The following KPNA3 variants were observed in gnomAD, a reference collection of about 807,000 sequenced individuals.
KPNA3 encodes importin subunit alpha-4.
In KPNA3, 13 loss-of-function variants were observed where a neutral mutation model predicts 73.8. The observed-to-expected ratio is 0.18, with a 90% CI of 0.11 to 0.28. The LOEUF is 0.28. Among genes scored for constraint, KPNA3 ranks in the 10% least tolerant of loss-of-function variants. The pLI is 1.00. For missense variants in KPNA3, 360 were observed against 618.1 expected, an observed-to-expected ratio of 0.58 and a Z score of 4.43; for synonymous variants, 186 against 206.9, an observed-to-expected ratio of 0.90 and a Z score of 0.87.
chr13:49,769,306 C>T (rs542480723), intron 1 of KPNA3, among the ~76,000 whole-genome samples: 78 of 152,238 alleles, frequency 5.1e-4, no homozygotes, highest in Middle Eastern at 3.4e-3. Flanking sequence ...ATAATGCCCA[C>T]GCCATAAAAT....
intron 1 of KPNA3, among the ~76,000 whole-genome samples, chr13:49,778,131 G>A (rs928796739): frequency 3.9e-5 from 6 of 152,224 alleles, no homozygotes; most frequent in African/African-American, 1.4e-4. Flanking sequence ...ATAATGCAGG[G>A]AAGAGTAGAA....
chr13:49,775,597 G>A (rs1954891678), intron 1 of KPNA3, among the ~76,000 whole-genome samples: 1 of 151,994 alleles, frequency 6.6e-6, no homozygotes, highest in African/African-American at 2.4e-5. Context: ...TCAAGGCCCA[G>A]TTCATCCCCA....
At chr13:49,719,909 G>A (rs1954339403) in intron 9 of KPNA3, 90 bp from the exon 10 acceptor site, 2 of 811,308 alleles carry the variant, frequency 2.5e-6, no homozygotes, top group Admixed American at 4.4e-5. Context: ...GGTAAATATG[G>A]TTTGTAGGGC....
At chr13:49,735,070 T>C (rs1594442572) in intron 2 of KPNA3, among the ~76,000 whole-genome samples, 2 of 152,136 alleles carry the variant, frequency 1.3e-5, no homozygotes, top group Admixed American at 6.5e-5. Context: ...TGCATTTAAA[T>C]TGAAAACATC....
chr13:49,721,670 A>T (rs1042203896), intron 9 of KPNA3, among the ~76,000 whole-genome samples: 6 of 152,016 alleles, frequency 3.9e-5, no homozygotes, highest in African/African-American at 1.4e-4. Context: ...ATACAAAAAA[A>T]TTAGCCAGGC....
intron 1 of KPNA3, among the ~76,000 whole-genome samples, chr13:49,758,908 A>T (rs1954735244): frequency 6.6e-6 from 1 of 152,200 alleles, no homozygotes. Flanking sequence ...ACTCTCAAAA[A>T]TACCACCAAT....
chr13:49,779,556 C>T (rs577504561), intron 1 of KPNA3, among the ~76,000 whole-genome samples: 1 of 152,164 alleles, frequency 6.6e-6, no homozygotes, highest in Non-Finnish European at 1.5e-5. Flanking sequence ...TAGGCTCAGT[C>T]GTTTGTTCCT....
chr13:49,740,080 G>A (rs1202410084), intron 2 of KPNA3, among the ~76,000 whole-genome samples: 8 of 151,820 alleles, frequency 5.3e-5, no homozygotes, highest in Non-Finnish European at 1.2e-4. Context: ...GCGAAATCCC[G>A]TATCTACCAA....
rs200059183 is a variant in KPNA3, at chr13:49,752,299, T to C, written c.70-5306A>G. On this transcript the variant is annotated intron_variant, in intron 1 of 16. Transcript: ENST00000261667. ...CCCCCTTAAAAAAAAAATCATCTTG[T>C]AACAAACAACAGAAGAAAAAGATCT... 3.9e-5 allele frequency among the ~76,000 whole-genome samples: 6 copies of C among 151,996 alleles called. No homozygotes were observed. In the East Asian group the frequency reaches 1.2e-3, roughly 29 times the overall value.
At chr13:49,713,000 C>T (rs561595974) in intron 10 of KPNA3, among the ~76,000 whole-genome samples, 3 of 151,494 alleles carry the variant, frequency 2.0e-5, no homozygotes, top group East Asian at 3.9e-4. Flanking sequence ...TCAAATTGGC[C>T]CTGGCTCTCA....
At chr13:49,734,921 A>T (rs1954506028) in intron 2 of KPNA3, among the ~76,000 whole-genome samples, 1 of 132,312 alleles carries the variant, frequency 7.6e-6, no homozygotes, top group Non-Finnish European at 1.6e-5. Context: ...ATATACACAC[A>T]CATATATATA....
At chr13:49,774,659 T>C (rs767116775) in intron 1 of KPNA3, among the ~76,000 whole-genome samples, 2 of 152,206 alleles carry the variant, frequency 1.3e-5, no homozygotes, top group African/African-American at 2.4e-5. Context: ...GATATGTTGG[T>C]TAAATTATAT....
chr13:49,783,393 T>C (rs1011592652), intron 1 of KPNA3, among the ~76,000 whole-genome samples: 1 of 152,154 alleles, frequency 6.6e-6, no homozygotes, highest in Non-Finnish European at 1.5e-5. Flanking sequence ...ACTTTTAATA[T>C]TCCTTCACCT....
At chr13:49,722,428 G>A in intron 8 of KPNA3, 49 bp downstream of exon 8, 1 of 1,307,138 alleles carries the variant, frequency 7.7e-7, no homozygotes, top group Non-Finnish European at 1.1e-6. Context: ...GCCAATGTAG[G>A]AAAAAAGTTA....
intron 1 of KPNA3, among the ~76,000 whole-genome samples, chr13:49,768,600 A>G (rs751368656): frequency 5.8e-4 from 46 of 79,582 alleles, no homozygotes; most frequent in Non-Finnish European, 9.0e-4. Flanking sequence ...TTTTTTTAGC[A>G]TTCCATTAGA....
chr13:49,720,082 A>C (rs1323225130), intron 9 of KPNA3, among the ~76,000 whole-genome samples: 1 of 152,232 alleles, frequency 6.6e-6, no homozygotes, highest in Non-Finnish European at 1.5e-5. Flanking sequence ...AATGTACCTT[A>C]AAATAAAAAC....
chr13:49,748,145 C>G (rs1954634147), intron 1 of KPNA3, among the ~76,000 whole-genome samples: 1 of 152,112 alleles, frequency 6.6e-6, no homozygotes, highest in South Asian at 2.1e-4. Flanking sequence ...TACATTCTTC[C>G]AATAAATTAT....
chr13:49,702,022 T>G (rs186219924), intron 16 of KPNA3, 124 bp from the exon 17 acceptor site: 7 of 623,420 alleles, frequency 1.1e-5, no homozygotes, highest in Middle Eastern at 4.4e-4. Context: ...CTAAAAATAT[T>G]CGAGTAAATC....
At chr13:49,745,978 G>C (rs537749528) in intron 2 of KPNA3, among the ~76,000 whole-genome samples, 3 of 150,764 alleles carry the variant, frequency 2.0e-5, no homozygotes, top group Admixed American at 6.6e-5. Context: ...CAGAAGAATG[G>C]CATGAACCCG....
Sources: gnomAD v4.1 joint callset for allele counts (sites outside exome capture counted in the v4.1 genomes callset) on GRCh38, gnomAD v4.1.1 for gene constraint, MANE v1.5 for transcripts, NCBI Gene and HGNC (gene_info 2026-07-23, HGNC 2026-07-21) for gene names.